The following DYNC2I1 variants were observed in gnomAD, a reference collection of about 807,000 sequenced individuals.
The protein encoded by DYNC2I1 is cytoplasmic dynein 2 intermediate chain 1.
Under a neutral mutation model 133.4 loss-of-function variants are expected in DYNC2I1, and 89 were observed. That is an observed-to-expected ratio of 0.67 (90% CI 0.56 to 0.80). The LOEUF (loss-of-function observed/expected upper bound fraction) is 0.80. Ranked by LOEUF, DYNC2I1 falls within the 30% of genes least tolerant of loss-of-function variation. The pLI is 0.00. For missense variants in DYNC2I1, 1,291 were observed against 1,314.5 expected, an observed-to-expected ratio of 0.98 and a Z score of 0.28; for synonymous variants, 504 against 484.3, an observed-to-expected ratio of 1.04 and a Z score of -0.54.
intron 8 of DYNC2I1, among the ~76,000 whole-genome samples, chr7:158,900,731 G>GTTTT (rs35689002): frequency 4.5e-4 from 48 of 105,726 alleles, no homozygotes; most frequent in African/African-American, 1.5e-3. Flanking sequence ...ATTTTGTTCT[G>GTTTT]TTTTTTTTTT....
chr7:158,913,115 G>C lies in DYNC2I1; in HGVS notation c.1702+19G>C. The stretch of plus-strand genomic sequence containing the variant: ...TCTGGAGGTAACATCTTGCTCTTGA[G>C]TGTTGACCATTGACTCTCTTTACAT... On this transcript the variant is annotated intron_variant, in intron 13 of 24. Coordinates refer to ENST00000407559, the MANE Select transcript of DYNC2I1 (RefSeq NM_018051.5). 6.5e-6 allele frequency: 10 copies of C among 1,549,188 alleles called. No individual in the cohort carries two copies. Among genetic ancestry groups the C allele is most frequent in the Non-Finnish European group, 8.9e-6 (10 of 1,128,226 alleles).
intron 8 of DYNC2I1, among the ~76,000 whole-genome samples, chr7:158,898,267 C>T (rs916460479): frequency 6.6e-6 from 1 of 152,116 alleles, no homozygotes; most frequent in African/African-American, 2.4e-5. Context: ...CTGATGGTGC[C>T]GTGGAGTTCA....
intron 8 of DYNC2I1, among the ~76,000 whole-genome samples, chr7:158,897,213 A>G (rs998336531): frequency 6.6e-6 from 1 of 151,354 alleles, no homozygotes; most frequent in African/African-American, 2.4e-5. Flanking sequence ...CAAACTCTTG[A>G]CCTCAGGTAA....
At chr7:158,844,342 C>A in the DYNC2I1 span, among the ~76,000 whole-genome samples, 415 of 152,214 alleles carry the variant, frequency 2.7e-3, 2 homozygotes, top group African/African-American at 9.3e-3. Flanking sequence ...CTGGAGGGCA[C>A]CTTTGGGAAA....
chr7:158,915,281 G>A (rs1378746498), intron 14 of DYNC2I1, among the ~76,000 whole-genome samples: 3 of 152,190 alleles, frequency 2.0e-5, no homozygotes, highest in African/African-American at 7.2e-5. Context: ...CGACACGGTG[G>A]TTGAGATTAA....
intron 4 of DYNC2I1, among the ~76,000 whole-genome samples, chr7:158,953,792 A>T (rs959121885): frequency 3.3e-5 from 5 of 152,052 alleles, no homozygotes; most frequent in Non-Finnish European, 4.4e-5. Flanking sequence ...GGTTATATAT[A>T]TGTTATATAT....
intron 4 of DYNC2I1, among the ~76,000 whole-genome samples, chr7:158,952,892 C>T (rs763435967): frequency 6.6e-6 from 1 of 152,202 alleles, no homozygotes; most frequent in Non-Finnish European, 1.5e-5. Context: ...AGGGTGCGCC[C>T]CCTTGAAACT....
chr7:158,901,373 AG>A, intron 8 of DYNC2I1, among the ~76,000 whole-genome samples: 1 of 152,342 alleles, frequency 6.6e-6, no homozygotes, highest in Middle Eastern at 3.4e-3. Context: ...TGCTCACTAC[AG>A]CTACACTGTC....
intron 3 of DYNC2I1, among the ~76,000 whole-genome samples, chr7:158,872,536 G>A (rs528814935): frequency 1.3e-5 from 2 of 152,210 alleles, no homozygotes; most frequent in East Asian, 3.9e-4. Flanking sequence ...TCAGTAGGCT[G>A]AGGCAGGGGA....
chr7:158,929,901 C>T (rs930097074), intron 20 of DYNC2I1, among the ~76,000 whole-genome samples: 4 of 152,242 alleles, frequency 2.6e-5, no homozygotes, highest in Middle Eastern at 3.4e-3. Flanking sequence ...GCCTCAGAGC[C>T]GTGGCTCTGT....
At chr7:158,924,621 T>TA (rs1849431898) in intron 17 of DYNC2I1, among the ~76,000 whole-genome samples, 2 of 152,250 alleles carry the variant, frequency 1.3e-5, no homozygotes. Context: ...TTTTAAAAGA[T>TA]ATCTTTTAAA....
At chr7:158,950,007 G>A (rs1563220246), downstream of DYNC2I1, among the ~76,000 whole-genome samples, 1 of 152,144 alleles carries the variant, frequency 6.6e-6, no homozygotes, top group Non-Finnish European at 1.5e-5. Flanking sequence ...CCAACCTCAG[G>A]TGATCTGCCT....
chr7:158,872,883 TG>T (rs1843006076), intron 3 of DYNC2I1, among the ~76,000 whole-genome samples: 2 of 151,422 alleles, frequency 1.3e-5, no homozygotes, highest in African/African-American at 4.9e-5. Flanking sequence ...CACAGCTGCT[TG>T]GGAGGCTGAG....
chr7:158,918,997 G>C, intron 15 of DYNC2I1, 128 bp downstream of exon 15: 1 of 1,090,672 alleles, frequency 9.2e-7, no homozygotes, highest in Non-Finnish European at 1.2e-6. Context: ...GAGAAAGACT[G>C]AGTTTCTGCA....
the DYNC2I1 span, among the ~76,000 whole-genome samples, chr7:158,848,695 C>T: frequency 0.019 from 2,953 of 152,160 alleles, 36 homozygotes; most frequent in Non-Finnish European, 0.023. Flanking sequence ...GAGGCCGAGG[C>T]GGGCGGATCA....
In DYNC2I1 at chr7:158,945,811, A is replaced by G. The variant is rs772748601; in HGVS notation, c.*32A>G. On this transcript the variant is annotated 3_prime_UTR_variant, in exon 25 of 25. Transcript: ENST00000407559. The surrounding 1 kb of genome is among the most constrained non-coding windows in gnomAD (Gnocchi z 4.1). ...TGGCTGAGAGGACCGCGTTTCTGTA[A>G]TGACCCAGATTTAAAAGACATAAGG... 6 of 1,485,002 alleles carry G rather than the reference A, an allele frequency of 4.0e-6. No homozygotes were observed. Among genetic ancestry groups the G allele is most frequent in the Non-Finnish European group, 5.4e-6 (6 of 1,118,166 alleles). 92.0% of individuals were successfully genotyped at this position (1,485,002 alleles called of 1,614,324 possible).
At chr7:158,901,561 A>C (rs1007884518) in intron 8 of DYNC2I1, among the ~76,000 whole-genome samples, 178 bp from the exon 9 acceptor site, 10 of 152,216 alleles carry the variant, frequency 6.6e-5, no homozygotes, top group African/African-American at 2.4e-5. Flanking sequence ...TCCTACCTGT[A>C]AGTTAGCAAG....
At chr7:158,897,894 C>A (rs747436100) in intron 8 of DYNC2I1, among the ~76,000 whole-genome samples, 18 of 152,186 alleles carry the variant, frequency 1.2e-4, no homozygotes, top group Middle Eastern at 3.4e-3. Context: ...TGTAAATTGC[C>A]CTCTAAGCAC....
intron 14 of DYNC2I1, among the ~76,000 whole-genome samples, chr7:158,915,514 G>C (rs1289527793): frequency 5.6e-4 from 79 of 141,966 alleles, no homozygotes; most frequent in African/African-American, 6.6e-4. Context: ...CGGTGGTTGA[G>C]ATAAAGGATG....
Sources: gnomAD v4.1 joint callset for allele counts (sites outside exome capture counted in the v4.1 genomes callset) on GRCh38, gnomAD v4.1.1 for gene constraint, Gnocchi (gnomAD v3.1) non-coding constraint, MANE v1.5 for transcripts, NCBI Gene and HGNC (gene_info 2026-07-23, HGNC 2026-07-21) for gene names.